The following MACROD2 variants were observed in gnomAD, a reference collection of about 807,000 sequenced individuals.
The protein encoded by MACROD2 is ADP-ribose glycohydrolase MACROD2.
Under a neutral mutation model 70.4 loss-of-function variants are expected in MACROD2, and 36 were observed. That is an observed-to-expected ratio of 0.51 (90% CI 0.39 to 0.68). The LOEUF (loss-of-function observed/expected upper bound fraction) is 0.68, where lower values mean the gene tolerates loss of function less well. Among genes scored for constraint, MACROD2 ranks in the 30% least tolerant of loss-of-function variants. The pLI is 0.00. For synonymous variants in MACROD2, 172 were observed against 178.8 expected (o/e 0.96, Z 0.30); for missense variants, 496 against 538.4 (o/e 0.92, Z 0.78).
At chr20:14,366,371 C>CTTTT in intron 3 of MACROD2, among the ~76,000 whole-genome samples, 1 of 137,852 alleles carries the variant, frequency 7.3e-6, no homozygotes, top group Non-Finnish European at 1.5e-5. Context: ...TAACTTGTAA[C>CTTTT]TTTTTTTTTT....
chr20:14,691,347 T>C (rs1042850444), intron 5 of MACROD2, among the ~76,000 whole-genome samples: 3 of 152,240 alleles, frequency 2.0e-5, no homozygotes, highest in African/African-American at 7.2e-5. Context: ...CCTCTATTCC[T>C]TGGGACATCC....
At chr20:15,088,400 TATATATATATATATA>T (rs2075765561) in intron 5 of MACROD2, among the ~76,000 whole-genome samples, 126 of 7,398 alleles carry the variant, frequency 0.017, 1 homozygote, top group African/African-American at 0.051. Flanking sequence ...CTATATTTTA[TATATATATATATATA>T]TATATATATA....
At chr20:16,005,264 T>A (rs887163979) in intron 15 of MACROD2, among the ~76,000 whole-genome samples, 1 of 152,238 alleles carries the variant, frequency 6.6e-6, no homozygotes, top group Non-Finnish European at 1.5e-5. Flanking sequence ...GCAGCCCTTA[T>A]CTGATTTAAG....
At position 15,311,222 on chromosome 20, in the gene MACROD2, G is replaced by T. The variant is rs181381426; in HGVS notation, c.540+81161G>T. Among the ~76,000 whole-genome samples, 9 of 152,034 alleles carry T rather than the reference G, an allele frequency of 5.9e-5. No individual in the cohort carries two copies. The South Asian group carries it at 1.9e-3, about 32-fold the overall frequency. On this transcript the variant is annotated intron_variant, in intron 6 of 17. Coordinates refer to ENST00000684519, the MANE Select transcript of MACROD2 (RefSeq NM_001351661.2). ...TGTAGTATTAATGATGAAAAAAAAG[G>T]CATAATTTTTAAGAACGTGCAGAGA...
chr20:14,479,636 C>T (rs888932858), intron 3 of MACROD2, among the ~76,000 whole-genome samples: 3 of 152,106 alleles, frequency 2.0e-5, no homozygotes, highest in South Asian at 2.1e-4. Context: ...TTATCTCCAG[C>T]GTTTACAGTT....
chr20:14,083,155 G>C (rs2054022569), intron 2 of MACROD2, among the ~76,000 whole-genome samples: 1 of 151,618 alleles, frequency 6.6e-6, no homozygotes, highest in Non-Finnish European at 1.5e-5. Flanking sequence ...GTTTTGGCCA[G>C]GTGTGGTGGC....
intron 3 of MACROD2, among the ~76,000 whole-genome samples, chr20:14,292,004 G>A (rs2082390065): frequency 6.6e-6 from 1 of 151,888 alleles, no homozygotes; most frequent in Non-Finnish European, 1.5e-5. Context: ...AGTTTTCCCT[G>A]AAGTCTAGCC....
At chr20:15,777,641 T>C (rs2051754135) in intron 8 of MACROD2, among the ~76,000 whole-genome samples, 2 of 105,380 alleles carry the variant, frequency 1.9e-5, no homozygotes, top group Admixed American at 1.9e-4. Flanking sequence ...TTCCTTCCTC[T>C]CTCTCTCTCT....
chr20:15,928,233 GA>G (rs1385177445), intron 10 of MACROD2, among the ~76,000 whole-genome samples: 2 of 151,832 alleles, frequency 1.3e-5, no homozygotes, highest in Non-Finnish European at 2.9e-5. Flanking sequence ...AATGGTTCAG[GA>G]AAAAAAAGTT....
At chr20:14,911,340 T>G (rs569532075) in intron 5 of MACROD2, among the ~76,000 whole-genome samples, 1 of 152,282 alleles carries the variant, frequency 6.6e-6, no homozygotes, top group African/African-American at 2.4e-5. Context: ...TTTTTTCTTT[T>G]GTATAGCTAT....
intron 3 of MACROD2, among the ~76,000 whole-genome samples, chr20:14,275,796 C>T (rs1246223273): frequency 6.6e-6 from 1 of 151,644 alleles, no homozygotes; most frequent in Non-Finnish European, 1.5e-5. Context: ...AAAAAAACAA[C>T]CCCATCAACA....
chr20:14,551,441 T>A (rs2423814), intron 4 of MACROD2, among the ~76,000 whole-genome samples: 57,669 of 152,104 alleles, frequency 0.38, 11,874 homozygotes, highest in Middle Eastern at 0.49. Context: ...TAGAACATGA[T>A]AAAGAACAGT....
chr20:14,197,637 G>C (rs530394751), intron 3 of MACROD2, among the ~76,000 whole-genome samples: 1 of 152,122 alleles, frequency 6.6e-6, no homozygotes, highest in Admixed American at 6.5e-5. Flanking sequence ...TGTGGTGGTG[G>C]GCGCCTGTAA....
intron 6 of MACROD2, among the ~76,000 whole-genome samples, chr20:15,328,451 T>C (rs1240556009): frequency 6.6e-6 from 1 of 152,166 alleles, no homozygotes; most frequent in African/African-American, 2.4e-5. Context: ...TGAATCCTTC[T>C]GGCAGTTAAA....
At chr20:15,179,358 T>C (rs2076484372) in intron 5 of MACROD2, among the ~76,000 whole-genome samples, 1 of 152,172 alleles carries the variant, frequency 6.6e-6, no homozygotes, top group African/African-American at 2.4e-5. Flanking sequence ...CATCCAGATT[T>C]CCTGGATTGC....
intron 8 of MACROD2, among the ~76,000 whole-genome samples, chr20:15,624,431 C>T (rs2049172924): frequency 6.6e-6 from 1 of 152,174 alleles, no homozygotes; most frequent in Non-Finnish European, 1.5e-5. Context: ...TATTAACCAT[C>T]ACAGGAGATA....
chr20:15,977,528 A>G (rs917835663), intron 13 of MACROD2, among the ~76,000 whole-genome samples: 3 of 152,212 alleles, frequency 2.0e-5, no homozygotes, highest in African/African-American at 4.8e-5. Flanking sequence ...AAAGGATGCA[A>G]GAGAAAGTAA....
chr20:14,023,106 G>A (rs1189550600), intron 2 of MACROD2, among the ~76,000 whole-genome samples: 2 of 152,132 alleles, frequency 1.3e-5, no homozygotes, highest in African/African-American at 2.4e-5. Context: ...TCTAACTGGC[G>A]TGAGATAGTA....
intron 5 of MACROD2, among the ~76,000 whole-genome samples, chr20:14,841,712 A>T (rs2073089426): frequency 6.6e-6 from 1 of 152,132 alleles, no homozygotes; most frequent in Non-Finnish European, 1.5e-5. Flanking sequence ...AAATGACATT[A>T]TTATAAGTAA....
Sources: gnomAD v4.1 joint callset for allele counts (sites outside exome capture counted in the v4.1 genomes callset) on GRCh38, gnomAD v4.1.1 for gene constraint, MANE v1.5 for transcripts, NCBI Gene and HGNC (gene_info 2026-07-23, HGNC 2026-07-21) for gene names.